ITPR2: variants seen among roughly 807,000 people sequenced by gnomAD.
The protein encoded by ITPR2 is inositol 1,4,5-trisphosphate-gated calcium channel ITPR2.
A neutral mutation model predicts 317.1 loss-of-function variants in ITPR2; 207 were observed. The observed-to-expected ratio is 0.65, with a 90% CI of 0.58 to 0.73. The LOEUF (loss-of-function observed/expected upper bound fraction) is 0.73. Ranked by LOEUF, ITPR2 falls within the 30% of genes least tolerant of loss-of-function variation. The pLI is 0.00. For missense variants in ITPR2, 2,613 were observed against 3,284.0 expected (o/e 0.80, Z 4.99); for synonymous variants, 1,156 against 1,149.1 (o/e 1.01, Z -0.12).
chr12:26,696,810 G>A (rs970378129), intron 9 of ITPR2, among the ~76,000 whole-genome samples: 13 of 152,308 alleles, frequency 8.5e-5, no homozygotes, highest in Middle Eastern at 3.4e-3. Flanking sequence ...AGAATTTACC[G>A]ACCAAAAACC....
At chr12:26,781,659 G>C (rs1005080932) in intron 2 of ITPR2, among the ~76,000 whole-genome samples, 11 of 152,082 alleles carry the variant, frequency 7.2e-5, no homozygotes, top group African/African-American at 2.7e-4. Flanking sequence ...GTGTCAACTT[G>C]ATTGGATTAA....
At chr12:26,430,790 T>G (rs1372625481) in intron 48 of ITPR2, among the ~76,000 whole-genome samples, 1 of 152,250 alleles carries the variant, frequency 6.6e-6, no homozygotes, top group Non-Finnish European at 1.5e-5. Flanking sequence ...CAAACTTCAA[T>G]CCAGTTCACA....
chr12:26,566,651 A>G (rs1944994654), intron 34 of ITPR2, among the ~76,000 whole-genome samples: 1 of 152,144 alleles, frequency 6.6e-6, no homozygotes, highest in South Asian at 2.1e-4. Context: ...TGTAGACAAA[A>G]ACTCACTCTG....
intron 18 of ITPR2, among the ~76,000 whole-genome samples, chr12:26,656,813 C>G (rs1947379489): frequency 6.6e-6 from 1 of 152,182 alleles, no homozygotes; most frequent in African/African-American, 2.4e-5. Flanking sequence ...GCACTCCATT[C>G]TGGGTTTCCT....
At chr12:26,651,232 C>G (rs756409343) in intron 21 of ITPR2, among the ~76,000 whole-genome samples, 2 of 152,044 alleles carry the variant, frequency 1.3e-5, no homozygotes, top group Non-Finnish European at 2.9e-5. Flanking sequence ...TATGGTGGCT[C>G]TTCTTTGCCT....
intron 5 of ITPR2, among the ~76,000 whole-genome samples, chr12:26,717,355 G>A (rs903700121): frequency 2.1e-4 from 32 of 152,098 alleles, no homozygotes; most frequent in Admixed American, 1.2e-3. Context: ...TGGATGATAC[G>A]GAGGAGTCCA....
intron 13 of ITPR2, among the ~76,000 whole-genome samples, chr12:26,677,926 G>A (rs1282491994): frequency 6.6e-6 from 1 of 152,130 alleles, no homozygotes; most frequent in African/African-American, 2.4e-5. Context: ...CCCTATTCTA[G>A]ATCCTGGGCT....
intron 2 of ITPR2, 161 bp from the exon 3 acceptor site, chr12:26,725,926 A>G (rs1164226222): frequency 1.1e-5 from 6 of 522,244 alleles, no homozygotes; most frequent in Non-Finnish European, 2.0e-5. Context: ...ACTCTATAAC[A>G]TCCTTTTCAA....
chr12:26,467,809 A>T (rs139706503), intron 45 of ITPR2, among the ~76,000 whole-genome samples: 45 of 152,154 alleles, frequency 3.0e-4, no homozygotes, highest in Non-Finnish European at 5.4e-4. Context: ...TCAATTTGAG[A>T]GGTCATTTAA....
At chr12:26,681,428 C>A (rs1948027864) in intron 13 of ITPR2, among the ~76,000 whole-genome samples, 1 of 152,032 alleles carries the variant, frequency 6.6e-6, no homozygotes, top group South Asian at 2.1e-4. Context: ...AGAACTACAC[C>A]CTGCAGATTT....
Position 26,362,494 on chromosome 12 carries a change from A to G in ITPR2, c.7858-22166T>C, listed in dbSNP as rs1447683170. Among the ~76,000 whole-genome samples, 9 of 152,230 alleles carry G rather than the reference A, an allele frequency of 5.9e-5. No individual in the cohort carries two copies. In the East Asian group the frequency reaches 1.7e-3, roughly 29 times the overall value. On this transcript the variant is annotated intron_variant, in intron 55 of 56. Coordinates refer to ENST00000381340, the MANE Select transcript of ITPR2 (RefSeq NM_002223.4). Reference sequence around the variant, plus strand: ...CAAATATGTGGAGGTAGATGCATACATGCAAGAATACGGATAGACTTTTAC... The same window carrying G: ...CAAATATGTGGAGGTAGATGCATACGTGCAAGAATACGGATAGACTTTTAC...
At chr12:26,635,927 G>A (rs1417208729) in intron 21 of ITPR2, among the ~76,000 whole-genome samples, 1 of 152,198 alleles carries the variant, frequency 6.6e-6, no homozygotes, top group Non-Finnish European at 1.5e-5. Flanking sequence ...AATTAAGCTA[G>A]TAACCACAGA....
chr12:26,591,079 C>CAAAAAA (rs34387951), intron 32 of ITPR2, among the ~76,000 whole-genome samples: 42 of 43,378 alleles, frequency 9.7e-4, no homozygotes, highest in Non-Finnish European at 1.4e-3. Context: ...GACTCCATCT[C>CAAAAAA]AAAAAAAAAA....
chr12:26,433,372 C>T (rs961109627), intron 48 of ITPR2, among the ~76,000 whole-genome samples: 4 of 152,098 alleles, frequency 2.6e-5, no homozygotes, highest in Non-Finnish European at 4.4e-5. Flanking sequence ...GCCTTGTGTT[C>T]GTTAGTCCTA....
chr12:26,768,806 G>A (rs947155132), intron 2 of ITPR2, among the ~76,000 whole-genome samples: 2 of 152,064 alleles, frequency 1.3e-5, no homozygotes, highest in Admixed American at 1.3e-4. Flanking sequence ...AATAGAACCA[G>A]AAGGACAAAT....
At chr12:26,575,272 T>C (rs1248850243) in intron 34 of ITPR2, among the ~76,000 whole-genome samples, 2 of 150,782 alleles carry the variant, frequency 1.3e-5, no homozygotes, top group African/African-American at 4.9e-5. Context: ...GTTGATTTTT[T>C]AAACCGACAA....
chr12:26,640,659 T>G (rs190320830), intron 21 of ITPR2, among the ~76,000 whole-genome samples: 1 of 152,140 alleles, frequency 6.6e-6, no homozygotes, highest in Non-Finnish European at 1.5e-5. Flanking sequence ...CTAAGAACCA[T>G]AGAGTCTTCT....
At chr12:26,767,471 C>T (rs1275922091) in intron 2 of ITPR2, among the ~76,000 whole-genome samples, 2 of 152,166 alleles carry the variant, frequency 1.3e-5, no homozygotes, top group Non-Finnish European at 2.9e-5. Context: ...TTTTTTCTAA[C>T]TGTAAAATTG....
intron 10 of ITPR2, among the ~76,000 whole-genome samples, chr12:26,690,360 A>T (rs200583496): frequency 1.4e-3 from 20 of 14,242 alleles, no homozygotes; most frequent in African/African-American, 7.3e-3. Context: ...AATAAATGGC[A>T]AGCGCCAGTC....
Sources: allele counts gnomAD v4.1 joint callset (sites outside exome capture counted in the v4.1 genomes callset), GRCh38; gene constraint gnomAD v4.1.1; transcripts MANE v1.5; gene names NCBI Gene and HGNC (gene_info 2026-07-23, HGNC 2026-07-21).